Variants in ARID1A observed in about 807,000 individuals in gnomAD.
ARID1A encodes the protein AT-rich interactive domain-containing protein 1A.
A neutral mutation model predicts 212.6 loss-of-function variants in ARID1A; 20 were observed. The observed-to-expected ratio is 0.09, with a 90% CI of 0.07 to 0.14. The LOEUF (loss-of-function observed/expected upper bound fraction) is 0.14. Among genes scored for constraint, ARID1A ranks in the 10% least tolerant of loss-of-function variants. The pLI is 1.00. For synonymous variants in ARID1A, 1,376 were observed against 1,222.1 expected (o/e 1.13, Z -2.63); for missense variants, 2,587 against 3,059.0 (o/e 0.85, Z 3.64).
At chr1:26,705,485 G>C (rs1453316005) in intron 1 of ARID1A, among the ~76,000 whole-genome samples, 1 of 149,810 alleles carries the variant, frequency 6.7e-6, no homozygotes, top group African/African-American at 2.5e-5. Context: ...ATGACCTGCT[G>C]AAAGTACTGG....
intron 1 of ARID1A, among the ~76,000 whole-genome samples, chr1:26,707,179 A>G (rs2080400529): frequency 6.9e-6 from 1 of 144,882 alleles, no homozygotes; most frequent in East Asian, 2.0e-4. Flanking sequence ...GACTACAGGC[A>G]TGCGCCACCG....
rs570210296 is a variant in ARID1A at position 26,763,382 on chromosome 1, A to G, written c.2732+97A>G. The G allele has an allele frequency of 9.9e-5, 133 of 1,344,562 alleles. 1 individual carries two copies. In the Middle Eastern group the frequency reaches 1.3e-3, roughly 13 times the overall value. The allele number at this position is 1,344,562 out of a possible 1,614,324, so 83.3% of individuals were successfully genotyped here. A position where few individuals can be genotyped will look rare whatever the true frequency, so the allele number is the denominator to read the frequency against. ...GCTTCTGGACCTAAACCAGGGGGGG[A>G]AAATGGGTGTGTGTGTATGAAGTGT... On this transcript the variant is annotated intron_variant, in intron 8 of 19. Coordinates refer to ENST00000324856, the MANE Select transcript of ARID1A (RefSeq NM_006015.6).
Position 26,697,259 on chromosome 1 carries a change from A to C in ARID1A, c.856A>C (p.Thr286Pro), listed in dbSNP as rs755778566. The stretch of plus-strand genomic sequence containing the variant: ...CGGCCCCTCCGCGGCCGGCGGGGGA[A>C]CTCCCCAGCCCACCGCCACCCCCAC... Reference protein sequence around the residue: ...GGGPSAAGGGTPQPTATPTLN... With the variant: ...GGGPSAAGGGPPQPTATPTLN... Residue 286 changes from threonine (T) to proline (P), a missense_variant, in exon 1 of 20, where the codon ACT (threonine) becomes CCT (proline). Around this residue, in one of 11 missense-constraint regions of ARID1A, gnomAD observed 735 missense variants for 590.6 expected, o/e 1.24. Transcript: ENST00000324856. 1 of 1,369,104 alleles carries C rather than the reference A, an allele frequency of 7.3e-7. No homozygotes were observed. Among genetic ancestry groups the C allele is most frequent in the Non-Finnish European group, 9.4e-7 (1 of 1,069,080 alleles). 84.8% of individuals were successfully genotyped at this position (1,369,104 alleles called of 1,614,324 possible).
At chr1:26,729,292 A>C (rs1444884776) in intron 1 of ARID1A, 2 of 258,298 alleles carry the variant, frequency 7.7e-6, no homozygotes, top group Non-Finnish European at 1.5e-5. Flanking sequence ...TGAAGCATCA[A>C]TTTTGGTGTG....
intron 1 of ARID1A, among the ~76,000 whole-genome samples, chr1:26,699,975 T>G (rs1290451759): frequency 3.3e-5 from 5 of 152,188 alleles, no homozygotes; most frequent in Admixed American, 3.3e-4. Flanking sequence ...CTGTGCTGCC[T>G]TTGGATGAAT....
chr1:26,774,086 G>A lies in ARID1A; in HGVS notation c.4101+188G>A. 9.3e-7 allele frequency: 1 copy of A among 1,073,892 alleles called. No homozygotes were observed. Among genetic ancestry groups the A allele is most frequent in the East Asian group, 2.6e-5 (1 of 38,130 alleles). The allele number at this position is 1,073,892 out of a possible 1,614,324, so 66.5% of individuals were successfully genotyped here. On this transcript the variant is annotated intron_variant, in intron 17 of 19. Coordinates refer to ENST00000324856, the MANE Select transcript of ARID1A (RefSeq NM_006015.6). The surrounding 1 kb of genome is among the most constrained non-coding windows in gnomAD (Gnocchi z 5.6). Reference sequence around the variant, plus strand: ...TCTTCTCTATTTGGAGTTGGAAGGGGCTAGAAATAGACCTTATTTTGATTT... The same window carrying A: ...TCTTCTCTATTTGGAGTTGGAAGGGACTAGAAATAGACCTTATTTTGATTT...
At chr1:26,735,248 C>G (rs766402308) in intron 4 of ARID1A, among the ~76,000 whole-genome samples, 1 of 151,610 alleles carries the variant, frequency 6.6e-6, no homozygotes, top group African/African-American at 2.4e-5. Flanking sequence ...GCCTCAGTCT[C>G]CCGAGTAGCT....
chr1:26,703,940 G>C (rs1296953398), intron 1 of ARID1A, among the ~76,000 whole-genome samples: 1 of 152,238 alleles, frequency 6.6e-6, no homozygotes, highest in Non-Finnish European at 1.5e-5. Flanking sequence ...TGAGCTGAAG[G>C]AATTAGAGGA....
rs369176916 is a variant in ARID1A, at chr1:26,736,932, A to G, written c.1920+4140A>G. ...AAAAAAAAAAAAAAAACCCTGCACA[A>G]TATATAAGGCCTACAAAAACTATAA... On this transcript the variant is annotated intron_variant, in intron 4 of 19. Coordinates refer to ENST00000324856, the MANE Select transcript of ARID1A (RefSeq NM_006015.6). 3.6e-4 allele frequency among the ~76,000 whole-genome samples: 55 copies of G among 151,848 alleles called. 1 individual carries two copies. In the East Asian group the frequency reaches 7.1e-3, roughly 20 times the overall value.
intron 4 of ARID1A, 54 bp downstream of exon 4, chr1:26,732,846 C>T (rs1444002365): frequency 7.0e-7 from 1 of 1,425,536 alleles, no homozygotes; most frequent in Admixed American, 1.8e-5. Context: ...GAAACCAATG[C>T]AAACTAGTTA....
intron 1 of ARID1A, among the ~76,000 whole-genome samples, chr1:26,704,879 GTTTTTTA>G (rs911841486): frequency 1.3e-5 from 2 of 151,606 alleles, no homozygotes; most frequent in African/African-American, 4.8e-5. Context: ...AAAAAAATTT[GTTTTTTA>G]TTAGGTTACT....
At position 26,696,430 on chromosome 1, in the gene ARID1A, C is replaced by G; in HGVS notation, c.27C>G (p.Ala9=). MAAQVAPA[A]ASSLGNPPPP... ...TGGCCGCGCAGGTCGCCCCCGCCGC[C>G]GCCAGCAGCCTGGGCAACCCGCCGC... Residue 9 remains alanine, a synonymous_variant, in exon 1 of 20, where the codon GCC becomes GCG. Coordinates refer to ENST00000324856, the MANE Select transcript of ARID1A (RefSeq NM_006015.6). 1.6e-6 allele frequency: 2 copies of G among 1,289,202 alleles called. No homozygotes were observed. Among genetic ancestry groups the G allele is most frequent in the African/African-American group, 1.6e-5 (1 of 63,412 alleles). 79.9% of individuals were successfully genotyped at this position (1,289,202 alleles called of 1,614,324 possible). A position where few individuals can be genotyped will look rare whatever the true frequency, so the allele number is the denominator to read the frequency against.
chr1:26,770,202 G>C (rs1162587806), intron 11 of ARID1A: 3 of 152,148 alleles, frequency 2.0e-5, no homozygotes, highest in Non-Finnish European at 2.9e-5. Context: ...GACAGAGTGA[G>C]ACTCTGTCTC....
chr1:26,716,931 G>C (rs2080508364), intron 1 of ARID1A, among the ~76,000 whole-genome samples: 1 of 152,086 alleles, frequency 6.6e-6, no homozygotes, highest in South Asian at 2.1e-4. Flanking sequence ...TGGCCAGGAA[G>C]GCTCTTCTTT....
chr1:26,766,175 T>C (rs2124078737), intron 8 of ARID1A, 46 bp from the exon 9 acceptor site: 1 of 1,587,200 alleles, frequency 6.3e-7, no homozygotes, highest in South Asian at 1.2e-5. Flanking sequence ...ATCTAAAAGC[T>C]CAGAGTCTAA....
intron 14 of ARID1A, 133 bp from the exon 15 acceptor site, chr1:26,773,213 T>C: frequency 7.3e-7 from 1 of 1,367,288 alleles, no homozygotes; most frequent in South Asian, 1.5e-5. Context: ...GGGGCCTCTT[T>C]AGATCTCTGT....
intron 1 of ARID1A, among the ~76,000 whole-genome samples, chr1:26,728,104 TTAATAA>T (rs1356700422): frequency 6.6e-6 from 1 of 152,168 alleles, no homozygotes; most frequent in Non-Finnish European, 1.5e-5. Context: ...CAACAGTACT[TTAATAA>T]TATTGACATG....
intron 4 of ARID1A, among the ~76,000 whole-genome samples, chr1:26,736,096 G>A (rs574153572): frequency 2.1e-5 from 3 of 146,150 alleles, no homozygotes; most frequent in African/African-American, 5.1e-5. Context: ...AGGCCAAGGC[G>A]GGCAGATCAC....
intron 11 of ARID1A, chr1:26,769,322 G>A (rs910132582): frequency 7.9e-5 from 12 of 152,358 alleles, no homozygotes; most frequent in African/African-American, 2.2e-4. Flanking sequence ...TTAAAATGCC[G>A]TGATTGTAAC....
Sources: allele counts gnomAD v4.1 joint callset (sites outside exome capture counted in the v4.1 genomes callset), GRCh38; gene constraint gnomAD v4.1.1; regional missense constraint gnomAD v4.1.1; non-coding constraint Gnocchi (gnomAD v3.1); transcripts MANE v1.5; gene names NCBI Gene and HGNC (gene_info 2026-07-23, HGNC 2026-07-21).